DYNC2H1: variants seen among roughly 807,000 people sequenced by gnomAD.
The protein encoded by DYNC2H1 is dynein cytoplasmic 2 heavy chain 1, also known as cytoplasmic dynein 2 heavy chain 1.
In DYNC2H1, 410 loss-of-function variants were observed where a neutral mutation model predicts 570.0. That is an observed-to-expected ratio of 0.72 (90% CI 0.66 to 0.78). DYNC2H1 has a LOEUF of 0.78. Among genes scored for constraint, DYNC2H1 ranks in the 30% least tolerant of loss-of-function variants. The pLI is 0.00. For synonymous variants in DYNC2H1, 1,688 were observed against 1,677.6 expected, an observed-to-expected ratio of 1.01 and a Z score of -0.15; for missense variants, 4,865 against 5,046.4, an observed-to-expected ratio of 0.96 and a Z score of 1.09.
In DYNC2H1 at chr11:103,387,071, G is replaced by A. The variant is rs549139258; in HGVS notation, c.12157-12592G>A. On this transcript the variant is annotated intron_variant, in intron 83 of 88. Transcript: ENST00000375735. ...TCTAGTTCTAGATCCCTGAGGAATCGCCGTACTGACTTCCACAATGGTTGA... is the reference window on the plus strand; with the variant it reads ...TCTAGTTCTAGATCCCTGAGGAATCACCGTACTGACTTCCACAATGGTTGA... 8.5e-5 allele frequency among the ~76,000 whole-genome samples: 13 copies of A among 152,138 alleles called. No homozygotes were observed. In the East Asian group the frequency reaches 1.9e-3, roughly 23 times the overall value.
intron 86 of DYNC2H1, among the ~76,000 whole-genome samples, chr11:103,455,643 C>G (rs1039499497): frequency 4.6e-5 from 7 of 152,136 alleles, no homozygotes; most frequent in Non-Finnish European, 1.0e-4. Flanking sequence ...TTTTCAGTAA[C>G]TCTAACCACA....
rs758014727 is a variant in DYNC2H1 at position 103,236,411 on chromosome 11, A to G, written c.9710-19A>G. ...TACAAGATCGTTGTGAAGTATTATC[A>G]ATATCTTCAACTTTTCAGAATTTGA... On this transcript the variant is annotated intron_variant, in intron 62 of 88. Transcript: ENST00000375735. The G allele has an allele frequency of 1.5e-6, 2 of 1,342,004 alleles. No homozygotes were observed. Among genetic ancestry groups the G allele is most frequent in the South Asian group, 1.2e-5 (1 of 85,302 alleles). The allele number at this position is 1,342,004 out of a possible 1,614,324, so 83.1% of individuals were successfully genotyped here.
Position 103,170,787 on chromosome 11 carries a change from A to T in DYNC2H1, c.5152-99A>T, listed in dbSNP as rs1189940497. On this transcript the variant is annotated intron_variant, in intron 33 of 88. Transcript: ENST00000375735. This position sits in a 1 kb window ranked among gnomAD's most constrained non-coding sequence, Gnocchi z 4.8. ...AATGAGCAAAAGAGGCATAGATGGG[A>T]TAAATTATCACCTTATCAATAAGTA... The T allele has an allele frequency of 1.8e-5, 21 of 1,148,272 alleles. No individual in the cohort carries two copies. Among genetic ancestry groups the T allele is most frequent in the Non-Finnish European group, 2.2e-5 (19 of 877,510 alleles). The allele number at this position is 1,148,272 out of a possible 1,614,324, so 71.1% of individuals were successfully genotyped here. A position where few individuals can be genotyped will look rare whatever the true frequency, so the allele number is the denominator to read the frequency against.
intron 83 of DYNC2H1, among the ~76,000 whole-genome samples, chr11:103,361,731 G>T (rs1015658521): frequency 1.3e-5 from 2 of 152,220 alleles, no homozygotes; most frequent in South Asian, 2.1e-4. Flanking sequence ...ATGTCAAAAT[G>T]TAGAGTTATT....
At chr11:103,335,953 A>C (rs948538428) in intron 82 of DYNC2H1, among the ~76,000 whole-genome samples, 1 of 152,294 alleles carries the variant, frequency 6.6e-6, no homozygotes, top group Admixed American at 6.5e-5. Context: ...TTACTAAACT[A>C]GAACTTAAAT....
chr11:103,188,776 A>AT, intron 44 of DYNC2H1, 128 bp downstream of exon 44: 1 of 747,304 alleles, frequency 1.3e-6, no homozygotes, highest in Non-Finnish European at 1.9e-6. Context: ...AACCTCTGAT[A>AT]TTTTTTCCTA....
At position 103,134,426 on chromosome 11, in the gene DYNC2H1, T is replaced by C. The variant is rs2134774405; in HGVS notation, c.2205+7T>C. 1.9e-6 allele frequency: 3 copies of C among 1,603,826 alleles called. No homozygotes were observed. The highest frequency in any genetic ancestry group is 2.6e-6 in the Non-Finnish European group (3 of 1,174,088). ...AGCAACTGTAGAAGCACAGGTAGAG[T>C]ATGTTTTATTTTGTGTGTATACTTT... is the stretch of plus-strand genomic sequence containing the variant. On this transcript the variant is annotated splice_region_variant and intron_variant, in intron 15 of 88. Transcript: ENST00000375735.
At chr11:103,150,536 A>G (rs12577630) in intron 20 of DYNC2H1, among the ~76,000 whole-genome samples, 13,472 of 152,192 alleles carry the variant, frequency 0.089, 771 homozygotes, top group Non-Finnish European at 0.12. Context: ...TAGAGGAGCA[A>G]CTGGAGTTTA....
intron 87 of DYNC2H1, among the ~76,000 whole-genome samples, chr11:103,467,783 C>T (rs907623181): frequency 2.6e-5 from 4 of 152,024 alleles, no homozygotes; most frequent in Admixed American, 6.5e-5. Context: ...GTGATCCGCC[C>T]GCCTCAGCCT....
chr11:103,411,860 G>T (rs1943102855), intron 84 of DYNC2H1, among the ~76,000 whole-genome samples: 1 of 151,964 alleles, frequency 6.6e-6, no homozygotes, highest in African/African-American at 2.4e-5. Flanking sequence ...AAGAAATGCA[G>T]CCTCAGAAAA....
chr11:103,436,076 C>G lies in DYNC2H1; in HGVS notation c.12456+44C>G, dbSNP rs768253363. ...CTAAGTGGGTTGTCTGACTGTGTGA[C>G]TATTGTATTATAGAGATAACCATTG... On this transcript the variant is annotated intron_variant, in intron 85 of 88. Transcript: ENST00000375735. 7.7e-6 allele frequency: 12 copies of G among 1,552,106 alleles called. No individual in the cohort carries two copies. In the East Asian group the frequency reaches 2.5e-4, roughly 32 times the overall value.
rs190755051 is a variant in DYNC2H1, at chr11:103,248,613, T to G, written c.10042+3239T>G. Among the ~76,000 whole-genome samples, 608 of 152,162 alleles carry G rather than the reference T, an allele frequency of 4.0e-3. 3 individuals carry two copies. Among genetic ancestry groups the G allele is most frequent in the Non-Finnish European group, 6.7e-3 (454 of 67,946 alleles). On this transcript the variant is annotated intron_variant, in intron 65 of 88. Coordinates refer to ENST00000375735, the MANE Select transcript of DYNC2H1 (RefSeq NM_001377.3). ...AAATTTGAATGGTCATAGTAAACCT[T>G]CAGCAGCATTGGTTTCCAAAATTCA...
rs774610143 is a variant in DYNC2H1 at position 103,135,514 on chromosome 11, T to C, written c.2225T>C (p.Met742Thr). The change falls in exon 16 of 89, where the codon ATG (methionine) becomes ACG (threonine). Residue 742 changes from methionine to threonine, a missense_variant. Met to Thr is a moderately conservative substitution (Grantham distance 81). This residue lies in a region of DYNC2H1 where 1,936 missense variants were observed against 1,962.1 expected (regional missense o/e 0.99). Transcript: ENST00000375735. Reference protein sequence around the residue: ...VEAQGFQASDMHAWKQHWNHQ... With the variant: ...VEAQGFQASDTHAWKQHWNHQ... ...TATTAGGGATTCCAAGCAAGTGACATGCATGCATGGAAACAACACTGGAAT... is the reference window on the plus strand; with the variant it reads ...TATTAGGGATTCCAAGCAAGTGACACGCATGCATGGAAACAACACTGGAAT... The C allele has an allele frequency of 1.3e-6, 2 of 1,573,544 alleles. No homozygotes were observed.
In DYNC2H1 at chr11:103,245,120, A is replaced by C; in HGVS notation, c.9919-131A>C. The C allele has an allele frequency of 1.3e-6, 1 of 757,412 alleles. No homozygotes were observed. The highest frequency in any genetic ancestry group is 2.0e-6 in the Non-Finnish European group (1 of 506,558). The allele number at this position is 757,412 out of a possible 1,614,324, so 46.9% of individuals were successfully genotyped here. Reference sequence around the variant, plus strand: ...GTTCTTATTAATACTTGGGTGAGTAATTTATTACCTATAGAATCTGAAATT... The same window carrying C: ...GTTCTTATTAATACTTGGGTGAGTACTTTATTACCTATAGAATCTGAAATT... On this transcript the variant is annotated intron_variant, in intron 64 of 88. Coordinates refer to ENST00000375735, the MANE Select transcript of DYNC2H1 (RefSeq NM_001377.3). This position sits in a 1 kb window ranked among gnomAD's most constrained non-coding sequence, Gnocchi z 4.5.
At chr11:103,217,643 CAGG>C (rs1409010231) in intron 55 of DYNC2H1, among the ~76,000 whole-genome samples, 1 of 152,082 alleles carries the variant, frequency 6.6e-6, no homozygotes, top group African/African-American at 2.4e-5. Context: ...GAAGAAAACA[CAGG>C]AGAACATCTT....
Position 103,132,698 on chromosome 11 carries a change from A to G in DYNC2H1, c.1954-857A>G, listed in dbSNP as rs557738891. On this transcript the variant is annotated intron_variant, in intron 13 of 88. Transcript: ENST00000375735. ...TGTGATGAGTTTCCTGCTGGGCCCT[A>G]CAGTACCAAAGTGGAGCATTTGTAC... Among the ~76,000 whole-genome samples the G allele has an allele frequency of 1.3e-4, 20 of 151,350 alleles. No homozygotes were observed. The South Asian group carries it at 3.1e-3, about 24-fold the overall frequency.
intron 88 of DYNC2H1, among the ~76,000 whole-genome samples, chr11:103,477,332 T>C (rs1945584173): frequency 1.3e-5 from 2 of 152,184 alleles, no homozygotes; most frequent in Non-Finnish European, 1.5e-5. Flanking sequence ...GAAGTGTCAC[T>C]TTTGTAATAT....
At chr11:103,191,761 A>T in intron 46 of DYNC2H1, 142 bp downstream of exon 46, 1 of 412,026 alleles carries the variant, frequency 2.4e-6, no homozygotes. Flanking sequence ...TAAAATTATT[A>T]TATTTCTTCT....
intron 31 of DYNC2H1, among the ~76,000 whole-genome samples, chr11:103,166,537 A>G (rs966307612): frequency 2.6e-5 from 4 of 152,114 alleles, no homozygotes; most frequent in Non-Finnish European, 4.4e-5. Context: ...GAATTCACAT[A>G]GATTTCCTTC....
Sources: allele counts gnomAD v4.1 joint callset (sites outside exome capture counted in the v4.1 genomes callset), GRCh38; gene constraint gnomAD v4.1.1; regional missense constraint gnomAD v4.1.1; non-coding constraint Gnocchi (gnomAD v3.1); transcripts MANE v1.5; gene names NCBI Gene and HGNC (gene_info 2026-07-23, HGNC 2026-07-21).